Variants in TMEM232 observed in about 807,000 individuals in gnomAD.
The protein encoded by TMEM232 is transmembrane protein 232.
TMEM232 carries 80 observed loss-of-function variants against 78.8 expected under a neutral mutation model. The observed-to-expected ratio is 1.01, with a 90% confidence interval of 0.85 to 1.22. The LOEUF (loss-of-function observed/expected upper bound fraction) is 1.22, where lower values mean the gene tolerates loss of function less well. Among genes scored for constraint, TMEM232 ranks in the 50% most tolerant of loss-of-function variants. The pLI, the probability that TMEM232 is intolerant of heterozygous loss-of-function variation, is 0.00. For synonymous variants in TMEM232, 297 were observed against 254.3 expected (o/e 1.17, Z -1.60); for missense variants, 881 against 742.2 (o/e 1.19, Z -2.17).
intron 11 of TMEM232, among the ~76,000 whole-genome samples, chr5:110,553,566 A>G (rs1158779836): frequency 6.6e-6 from 1 of 152,062 alleles, no homozygotes. Flanking sequence ...ATTTTTGTAC[A>G]CTGATTTTGT....
chr5:110,423,042 A>G (rs538722917), intron 13 of TMEM232, among the ~76,000 whole-genome samples: 1 of 152,294 alleles, frequency 6.6e-6, no homozygotes, highest in South Asian at 2.1e-4. Flanking sequence ...AATGAGGTAT[A>G]TTTTCTATTC....
At chr5:110,633,621 C>T (rs774534022) in intron 5 of TMEM232, among the ~76,000 whole-genome samples, 1 of 152,114 alleles carries the variant, frequency 6.6e-6, no homozygotes, top group Admixed American at 6.6e-5. Flanking sequence ...TCACCCTTTG[C>T]TCTCTCTTTC....
At chr5:110,689,253 A>G (rs1042745784) in intron 1 of TMEM232, among the ~76,000 whole-genome samples, 10 of 152,168 alleles carry the variant, frequency 6.6e-5, no homozygotes, top group Non-Finnish European at 8.8e-5. Flanking sequence ...GAAATATTCA[A>G]CCAATCAAGC....
chr5:110,424,010 T>C (rs1348400144), intron 13 of TMEM232, among the ~76,000 whole-genome samples: 2 of 152,170 alleles, frequency 1.3e-5, no homozygotes, highest in African/African-American at 4.8e-5. Flanking sequence ...CGTTTTGTCA[T>C]TTCAAGGTAT....
chr5:110,569,772 G>T (rs1456896617), intron 10 of TMEM232, among the ~76,000 whole-genome samples: 1 of 151,758 alleles, frequency 6.6e-6, no homozygotes, highest in Admixed American at 6.6e-5. Context: ...TCCAATTTTA[G>T]TTCTCACTAC....
chr5:110,391,326 T>TGTGTGTGTGTGTGTGAGA (rs549361387), intron 3 of TMEM232, among the ~76,000 whole-genome samples: 16 of 139,922 alleles, frequency 1.1e-4, no homozygotes, highest in African/African-American at 2.4e-4. Context: ...TGTGTGTGTG[T>TGTGTGTGTGTGTGTGAGA]GAGAGAGAGA....
At chr5:110,609,469 A>T (rs996045159) in intron 8 of TMEM232, among the ~76,000 whole-genome samples, 3 of 152,000 alleles carry the variant, frequency 2.0e-5, no homozygotes, top group Admixed American at 2.0e-4. Context: ...CTTTATCTTA[A>T]GGTACTGATT....
chr5:110,603,900 T>C (rs1781246882), intron 10 of TMEM232, among the ~76,000 whole-genome samples: 2 of 152,128 alleles, frequency 1.3e-5, no homozygotes, highest in African/African-American at 4.8e-5. Flanking sequence ...ATTTCTAAAG[T>C]CTTACTATTT....
At chr5:110,421,932 G>C (rs184985242) in intron 13 of TMEM232, among the ~76,000 whole-genome samples, 85 of 152,178 alleles carry the variant, frequency 5.6e-4, no homozygotes, top group African/African-American at 2.0e-3. Context: ...TTTCTAAACA[G>C]TTATTTCTCA....
At chr5:110,445,840 G>A (rs562071817) in intron 12 of TMEM232, among the ~76,000 whole-genome samples, 3 of 152,114 alleles carry the variant, frequency 2.0e-5, no homozygotes, top group Non-Finnish European at 4.4e-5. Context: ...ATGACAATTG[G>A]TTTATTTCAG....
Position 110,432,104 on chromosome 5 carries a change from T to A in TMEM232, c.1704-7188A>T, listed in dbSNP as rs529392814. On this transcript the variant is annotated intron_variant, in intron 12 of 13. Transcript: ENST00000455884. ...ATATTTTTTTGTAGAAGTAGAGAGG[T>A]TGACATGCAGATACAAGCAATCCAG... Among the ~76,000 whole-genome samples the A allele has an allele frequency of 1.9e-4, 29 of 151,202 alleles. No homozygotes were observed. In the South Asian group the frequency reaches 6.0e-3, roughly 32 times the overall value.
At chr5:110,734,464 C>A (rs1044533648) in intron 2 of TMEM232, among the ~76,000 whole-genome samples, 2 of 152,190 alleles carry the variant, frequency 1.3e-5, no homozygotes, top group Non-Finnish European at 2.9e-5. Flanking sequence ...GTCCACTCTG[C>A]CCATCATGAG....
intron 12 of TMEM232, among the ~76,000 whole-genome samples, chr5:110,525,195 T>C (rs1009779277): frequency 2.0e-5 from 3 of 151,414 alleles, no homozygotes; most frequent in African/African-American, 4.8e-5. Context: ...ATCCTCACTA[T>C]TTTTAATCAA....
At chr5:110,407,165 T>C (rs574001110) in intron 2 of TMEM232, among the ~76,000 whole-genome samples, 48 of 152,204 alleles carry the variant, frequency 3.2e-4, no homozygotes, top group African/African-American at 1.1e-3. Flanking sequence ...GTATAAGTAA[T>C]AAGTATATAC....
At position 110,466,454 on chromosome 5, in the gene TMEM232, C is replaced by T. The variant is rs372900907; in HGVS notation, c.1704-41538G>A. On this transcript the variant is annotated intron_variant, in intron 12 of 13. Coordinates refer to ENST00000455884, the MANE Select transcript of TMEM232 (RefSeq NM_001039763.4). ...ATCCACTTTTCTATGCTTCCTCTAC[C>T]TAGTCATCTCCTAATTGTGAACATT... Among the ~76,000 whole-genome samples the T allele has an allele frequency of 1.6e-3, 241 of 152,180 alleles. 7 individuals carry two copies. The South Asian group carries it at 0.049, about 31-fold the overall frequency.
chr5:110,611,842 T>C (rs1422578481), intron 8 of TMEM232, among the ~76,000 whole-genome samples: 1 of 152,086 alleles, frequency 6.6e-6, no homozygotes, highest in Non-Finnish European at 1.5e-5. Context: ...AAACCAAGGT[T>C]ATGACATTGG....
intron 7 of TMEM232, 46 bp from the exon 8 acceptor site, chr5:110,618,608 T>G: frequency 6.7e-7 from 1 of 1,491,978 alleles, no homozygotes; most frequent in East Asian, 2.5e-5. Flanking sequence ...TAAAAATATA[T>G]GAGAAAGAGT....
intron 12 of TMEM232, among the ~76,000 whole-genome samples, chr5:110,464,336 T>C (rs928656297): frequency 1.3e-5 from 2 of 152,174 alleles, no homozygotes; most frequent in Non-Finnish European, 2.9e-5. Flanking sequence ...AATAGCATCT[T>C]ACTATTCATT....
In TMEM232 at chr5:110,391,326, T is replaced by TGTGAGAGA. The variant is rs549361387; in HGVS notation, n.391-687_391-686insTCTCTCAC. ...GTGTGTGTGTGTGTGTGTGTGTGTGTGAGAGAGAGAGAGAGAGAGAGAAAC... is the reference window on the plus strand; with the variant it reads ...GTGTGTGTGTGTGTGTGTGTGTGTGTGTGAGAGAGAGAGAGAGAGAGAGAGAGAGAAAC... On this transcript the variant is annotated intron_variant and non_coding_transcript_variant, in intron 3 of 8. Transcript: ENST00000507188. 4.7e-3 allele frequency among the ~76,000 whole-genome samples: 657 copies of TGTGAGAGA among 139,878 alleles called. 3 individuals are homozygous for TGTGAGAGA. Among genetic ancestry groups the TGTGAGAGA allele is most frequent in the African/African-American group, 0.016 (553 of 33,996 alleles). 91.8% of individuals were successfully genotyped at this position (139,878 alleles called of 152,430 possible).
Sources: gnomAD v4.1 joint callset for allele counts (sites outside exome capture counted in the v4.1 genomes callset) on GRCh38, gnomAD v4.1.1 for gene constraint, MANE v1.5 for transcripts, NCBI Gene and HGNC (gene_info 2026-07-23, HGNC 2026-07-21) for gene names.